The following ACER3 variants were observed in gnomAD, a reference collection of about 807,000 sequenced individuals.
The protein encoded by ACER3 is alkaline ceramidase 3, also known as alkCDase 3.
Under a neutral mutation model 48.9 loss-of-function variants are expected in ACER3, and 16 were observed. The ratio of observed to expected loss-of-function variants is 0.33; its 90% CI spans 0.22 to 0.50. ACER3 has a LOEUF of 0.50. ACER3 is among the 20% of genes least tolerant of loss of function. The pLI is 0.98. For synonymous variants in ACER3, 109 were observed against 107.8 expected, an observed-to-expected ratio of 1.01 and a Z score of -0.07; for missense variants, 227 against 326.0, an observed-to-expected ratio of 0.70 and a Z score of 2.34.
intron 3 of ACER3, among the ~76,000 whole-genome samples, chr11:76,963,572 C>T (rs992537195): frequency 6.6e-6 from 1 of 151,236 alleles, no homozygotes; most frequent in African/African-American, 2.5e-5. Context: ...TAGGTGAAAC[C>T]TCGGTCAAAT....
intron 2 of ACER3, among the ~76,000 whole-genome samples, chr11:76,932,565 T>G: frequency 6.6e-6 from 1 of 152,150 alleles, no homozygotes; most frequent in East Asian, 1.9e-4. Context: ...GTAACAACAA[T>G]AAGAACAAAA....
intron 1 of ACER3, among the ~76,000 whole-genome samples, chr11:76,892,401 T>G (rs1304035286): frequency 8.5e-5 from 13 of 152,168 alleles, no homozygotes; most frequent in Non-Finnish European, 1.6e-4. Flanking sequence ...GATTGAAGCT[T>G]AATAGGAAAG....
chr11:76,938,398 G>A lies in ACER3; in HGVS notation c.214+11731G>A, dbSNP rs143783788. 8.1e-3 allele frequency among the ~76,000 whole-genome samples: 1,234 copies of A among 152,086 alleles called. 14 individuals are homozygous for A. The highest frequency in any genetic ancestry group is 0.012 in the Non-Finnish European group (795 of 67,984). ...CAATGGTACTATCACGGCTTACTGC[G>A]GCCTCAACCTCCCAGGCTGAAGCAA... On this transcript the variant is annotated intron_variant, in intron 2 of 10. Coordinates refer to ENST00000532485, the MANE Select transcript of ACER3 (RefSeq NM_018367.7).
At chr11:76,942,378 GT>G (rs1171759480) in intron 2 of ACER3, among the ~76,000 whole-genome samples, 1 of 151,954 alleles carries the variant, frequency 6.6e-6, no homozygotes, top group Non-Finnish European at 1.5e-5. Flanking sequence ...ATGAAAGGAT[GT>G]TGAGTTTTAA....
At chr11:76,911,205 G>C (rs940506248) in intron 1 of ACER3, among the ~76,000 whole-genome samples, 2 of 152,036 alleles carry the variant, frequency 1.3e-5, no homozygotes, top group Non-Finnish European at 2.9e-5. Flanking sequence ...CTATTTTTAT[G>C]GTTATTTATT....
At chr11:76,938,610 T>C (rs774633729) in intron 2 of ACER3, among the ~76,000 whole-genome samples, 1 of 152,192 alleles carries the variant, frequency 6.6e-6, no homozygotes, top group South Asian at 2.1e-4. Flanking sequence ...TGAGCCAGCA[T>C]GTCTGGCCTT....
At chr11:76,881,856 C>T (rs1034506342) in intron 1 of ACER3, among the ~76,000 whole-genome samples, 5 of 152,054 alleles carry the variant, frequency 3.3e-5, no homozygotes, top group Admixed American at 3.3e-4. Flanking sequence ...TTCTATATTT[C>T]ATTACATTTT....
chr11:76,866,609 A>G (rs1033029130), intron 1 of ACER3, among the ~76,000 whole-genome samples: 1 of 152,216 alleles, frequency 6.6e-6, no homozygotes, highest in Non-Finnish European at 1.5e-5. Context: ...TAACTAAACT[A>G]TGATAACTGA....
At chr11:76,909,883 A>G (rs1334714802) in intron 1 of ACER3, among the ~76,000 whole-genome samples, 4 of 152,348 alleles carry the variant, frequency 2.6e-5, no homozygotes, top group South Asian at 2.1e-4. Flanking sequence ...ATGCCCATCA[A>G]TGATAGACTG....
chr11:77,023,149 C>A lies in ACER3; in HGVS notation c.*2822C>A, dbSNP rs1949498108. 1 of 398,540 alleles carries A rather than the reference C, an allele frequency of 2.5e-6. No individual in the cohort carries two copies. Among genetic ancestry groups the A allele is most frequent in the Non-Finnish European group, 4.4e-6 (1 of 226,040 alleles). The allele number at this position is 398,540 out of a possible 1,614,324, so 24.7% of individuals were successfully genotyped here. The stretch of plus-strand genomic sequence containing the variant: ...TTTTTAATCCTTGTGATAGTAAATG[C>A]ATTGATAATTAACAGGAAAAACATG... On this transcript the variant is annotated 3_prime_UTR_variant, in exon 11 of 11. Transcript: ENST00000532485.
chr11:76,927,610 T>G (rs1946865966), intron 2 of ACER3, among the ~76,000 whole-genome samples: 5 of 149,120 alleles, frequency 3.4e-5, no homozygotes, highest in African/African-American at 7.3e-5. Context: ...CCCTCCCCCC[T>G]TCCCCCACCC....
intron 1 of ACER3, among the ~76,000 whole-genome samples, chr11:76,908,965 C>T (rs1946303277): frequency 6.6e-6 from 1 of 152,022 alleles, no homozygotes; most frequent in Non-Finnish European, 1.5e-5. Flanking sequence ...GAAATAACAC[C>T]ACACATCTAC....
intron 3 of ACER3, among the ~76,000 whole-genome samples, chr11:76,968,091 A>G (rs2135105835): frequency 6.6e-6 from 1 of 152,330 alleles, no homozygotes; most frequent in South Asian, 2.1e-4. Flanking sequence ...AACTTCAGCA[A>G]AGTCTCAGGA....
intron 9 of ACER3, 81 bp from the exon 10 acceptor site, chr11:77,019,650 A>T: frequency 7.4e-7 from 1 of 1,355,034 alleles, no homozygotes; most frequent in Non-Finnish European, 1.1e-6. Flanking sequence ...CAGAAGCACT[A>T]TGGTTACGTT....
intron 6 of ACER3, chr11:76,994,134 T>G: frequency 2.6e-6 from 1 of 388,102 alleles, no homozygotes; most frequent in African/African-American, 2.9e-5. Flanking sequence ...GGATTAAACT[T>G]TCTTTTTTTT....
chr11:76,973,913 T>A (rs1179612423), intron 3 of ACER3, among the ~76,000 whole-genome samples: 1 of 152,204 alleles, frequency 6.6e-6, no homozygotes, highest in Non-Finnish European at 1.5e-5. Flanking sequence ...TGGTATGAGG[T>A]AGGGGTCTGG....
At chr11:76,988,249 A>G (rs746596880) in intron 5 of ACER3, among the ~76,000 whole-genome samples, 5 of 152,194 alleles carry the variant, frequency 3.3e-5, no homozygotes, top group Non-Finnish European at 5.9e-5. Context: ...GTTAGTTGAG[A>G]TGTTGAATAG....
At chr11:76,884,727 G>A (rs1446602245) in intron 1 of ACER3, among the ~76,000 whole-genome samples, 2 of 152,010 alleles carry the variant, frequency 1.3e-5, no homozygotes, top group Non-Finnish European at 2.9e-5. Context: ...GGATTATGAT[G>A]TCTTCCAGGT....
At chr11:76,939,929 T>C (rs1458559419) in intron 2 of ACER3, among the ~76,000 whole-genome samples, 1 of 152,118 alleles carries the variant, frequency 6.6e-6, no homozygotes, top group Non-Finnish European at 1.5e-5. Context: ...ATTGGATGAA[T>C]CAGTGAAAGT....
Sources: allele counts gnomAD v4.1 joint callset (sites outside exome capture counted in the v4.1 genomes callset), GRCh38; gene constraint gnomAD v4.1.1; transcripts MANE v1.5; gene names NCBI Gene and HGNC (gene_info 2026-07-23, HGNC 2026-07-21).